The following ERBB4 variants were observed in gnomAD, a reference collection of about 807,000 sequenced individuals.
ERBB4 encodes erb-b2 receptor tyrosine kinase 4.
In ERBB4, 42 loss-of-function variants were observed where a neutral mutation model predicts 158.0. The ratio of observed to expected loss-of-function variants is 0.27; its 90% CI spans 0.21 to 0.34. The LOEUF (loss-of-function observed/expected upper bound fraction) is 0.34, where lower values mean the gene tolerates loss of function less well. Among genes scored for constraint, ERBB4 ranks in the 10% least tolerant of loss-of-function variants. The pLI is 1.00. For synonymous variants in ERBB4, 583 were observed against 558.7 expected (o/e 1.04, Z -0.61); for missense variants, 1,333 against 1,624.1 (o/e 0.82, Z 3.08).
At chr2:212,439,967 T>C (rs2092219655) in intron 1 of ERBB4, among the ~76,000 whole-genome samples, 1 of 152,136 alleles carries the variant, frequency 6.6e-6, no homozygotes, top group Non-Finnish European at 1.5e-5. Flanking sequence ...TATTCAACTA[T>C]CGGAATTTGG....
chr2:212,439,137 G>T (rs2092199126), intron 1 of ERBB4, among the ~76,000 whole-genome samples: 1 of 151,948 alleles, frequency 6.6e-6, no homozygotes, highest in Non-Finnish European at 1.5e-5. Context: ...CTCAAGATTT[G>T]CCTTAGATAG....
intron 3 of ERBB4, among the ~76,000 whole-genome samples, chr2:211,856,833 A>G (rs1490659248): frequency 6.6e-6 from 1 of 152,168 alleles, no homozygotes; most frequent in Non-Finnish European, 1.5e-5. Flanking sequence ...ATGTTTATGA[A>G]CATATGAAAC....
rs13026293 is a variant in ERBB4 at position 211,713,714 on chromosome 2, C to A, written c.884-66G>T. On this transcript the variant is annotated intron_variant, in intron 7 of 27. Coordinates refer to ENST00000342788, the MANE Select transcript of ERBB4 (RefSeq NM_005235.3). ...TAACATTCAGCAAACAAGCTCAAAA[C>A]AAGATATTTTAGGGTTTAAAAATGA... The A allele has an allele frequency of 8.9e-3, 8,509 of 957,318 alleles. 65 individuals carry two copies. Among genetic ancestry groups the A allele is most frequent in the Non-Finnish European group, 0.012 (7,228 of 600,990 alleles). 59.3% of individuals were successfully genotyped at this position (957,318 alleles called of 1,614,324 possible). A position where few individuals can be genotyped will look rare whatever the true frequency, so the allele number is the denominator to read the frequency against.
intron 1 of ERBB4, among the ~76,000 whole-genome samples, chr2:212,337,374 T>C: frequency 6.6e-6 from 1 of 152,112 alleles, no homozygotes; most frequent in Non-Finnish European, 1.5e-5. Flanking sequence ...ATGATTAAAA[T>C]CACTCGGGAC....
intron 1 of ERBB4, among the ~76,000 whole-genome samples, chr2:212,212,443 C>T (rs2082965662): frequency 6.6e-6 from 1 of 151,798 alleles, no homozygotes; most frequent in Non-Finnish European, 1.5e-5. Context: ...AACATTCCAT[C>T]CTCATAGACA....
intron 2 of ERBB4, among the ~76,000 whole-genome samples, chr2:211,967,505 T>C (rs2081339614): frequency 6.6e-6 from 1 of 152,012 alleles, no homozygotes; most frequent in African/African-American, 2.4e-5. Context: ...GTGGATAAAA[T>C]GAAGAGTTAC....
chr2:212,207,636 T>G (rs1175897302), intron 1 of ERBB4, among the ~76,000 whole-genome samples: 1 of 152,204 alleles, frequency 6.6e-6, no homozygotes, highest in Non-Finnish European at 1.5e-5. Context: ...ATTGCTTATG[T>G]ATAATGTCAT....
intron 19 of ERBB4, among the ~76,000 whole-genome samples, chr2:211,592,553 T>C (rs1276333603): frequency 1.3e-5 from 2 of 152,020 alleles, no homozygotes; most frequent in African/African-American, 4.8e-5. Flanking sequence ...AAAGGATGCA[T>C]GAAAAATAAA....
rs140662553 is a variant in ERBB4, at chr2:212,241,505, A to G, written c.83-116602T>C. ...TAACCACATTGTATAATTTCATCTG[A>G]TTGTTAATATTAGCTATTATCTTAG... On this transcript the variant is annotated intron_variant, in intron 1 of 27. Coordinates refer to ENST00000342788, the MANE Select transcript of ERBB4 (RefSeq NM_005235.3). Among the ~76,000 whole-genome samples, 499 of 152,274 alleles carry G rather than the reference A, an allele frequency of 3.3e-3. 6 individuals are homozygous for G. The highest frequency in any genetic ancestry group is 0.018 in the Admixed American group (272 of 15,304).
At position 212,434,655 on chromosome 2, in the gene ERBB4, C is replaced by G. The variant is rs1329225912; in HGVS notation, c.82+103794G>C. ...ACTTCAAATTCTCAAAGGGAATCCT[C>G]TCTTGTGGCAGGCCTAGTTTTAAGA... On this transcript the variant is annotated intron_variant, in intron 1 of 27. Transcript: ENST00000342788. Among the ~76,000 whole-genome samples the G allele has an allele frequency of 2.0e-5, 3 of 151,970 alleles. No individual in the cohort carries two copies. The East Asian group carries it at 5.8e-4, about 29-fold the overall frequency.
chr2:212,057,116 C>T (rs1464859383), intron 2 of ERBB4, among the ~76,000 whole-genome samples: 1 of 152,102 alleles, frequency 6.6e-6, no homozygotes, highest in East Asian at 1.9e-4. Flanking sequence ...AAAAAAAAGG[C>T]AGCGGTTGCA....
At chr2:211,913,494 A>C (rs891095024) in intron 3 of ERBB4, among the ~76,000 whole-genome samples, 1 of 151,908 alleles carries the variant, frequency 6.6e-6, no homozygotes, top group African/African-American at 2.4e-5. Flanking sequence ...CCAGCTACAT[A>C]GGAGGCTGAA....
chr2:211,501,442 C>G (rs1173422325), intron 20 of ERBB4, among the ~76,000 whole-genome samples: 1 of 151,232 alleles, frequency 6.6e-6, no homozygotes, highest in African/African-American at 2.4e-5. Context: ...ATGCTTGTAT[C>G]AAAATATCAC....
chr2:211,492,867 C>T (rs147595795), intron 20 of ERBB4, among the ~76,000 whole-genome samples: 141 of 152,224 alleles, frequency 9.3e-4, no homozygotes, highest in Non-Finnish European at 1.7e-3. Flanking sequence ...TGGTTCTGAT[C>T]CTTGTTTCCT....
intron 1 of ERBB4, among the ~76,000 whole-genome samples, chr2:212,247,522 A>G (rs2084354164): frequency 1.3e-5 from 2 of 152,180 alleles, no homozygotes; most frequent in Non-Finnish European, 2.9e-5. Flanking sequence ...TGTGTGGTAA[A>G]ATTATTAGAA....
chr2:211,993,845 A>C (rs2082135632), intron 2 of ERBB4, among the ~76,000 whole-genome samples: 1 of 151,760 alleles, frequency 6.6e-6, no homozygotes, highest in African/African-American at 2.4e-5. Context: ...CTTGCATATC[A>C]GTGTTTCTTA....
chr2:211,702,110 G>A lies in ERBB4; in HGVS notation c.1346C>T (p.Ser449Phe). 6.2e-7 allele frequency: 1 copy of A among 1,614,086 alleles called. No homozygotes were observed. Among genetic ancestry groups the A allele is most frequent in the Non-Finnish European group, 8.5e-7 (1 of 1,180,006 alleles). The change falls in exon 12 of 28, where the codon TCC becomes TTC. Residue 449 changes from serine (S) to phenylalanine (F), a missense_variant. Transcript: ENST00000342788. ...GTTTCCTGCGCTGATTTCCTTCAGG[G>A]ACTGGAACTGTAGAGAGGTGATGCC... ...QQGITSLQFQ[S>F]LKEISAGNIY... is the part of the protein sequence containing the mutation.
chr2:211,441,724 C>T lies in ERBB4; in HGVS notation c.2488-10624G>A, dbSNP rs1001236758. ...CAATTATGCCCTTCCATCCTCCTTA[C>T]CATGTCAGTGCTCTGCTGTCTTCCA... On this transcript the variant is annotated intron_variant, in intron 20 of 27. Coordinates refer to ENST00000342788, the MANE Select transcript of ERBB4 (RefSeq NM_005235.3). Among the ~76,000 whole-genome samples, 4 of 152,144 alleles carry T rather than the reference C, an allele frequency of 2.6e-5. 1 individual carries two copies. The highest frequency in any genetic ancestry group is 4.1e-4 in the South Asian group (2 of 4,828).
intron 16 of ERBB4, among the ~76,000 whole-genome samples, chr2:211,637,681 A>C (rs1271295700): frequency 6.6e-6 from 1 of 152,028 alleles, no homozygotes; most frequent in East Asian, 1.9e-4. Context: ...TTAGAATTTA[A>C]CTTTTACATA....
Sources: allele counts gnomAD v4.1 joint callset (sites outside exome capture counted in the v4.1 genomes callset), GRCh38; gene constraint gnomAD v4.1.1; transcripts MANE v1.5; gene names NCBI Gene and HGNC (gene_info 2026-07-23, HGNC 2026-07-21).